Variants in PRR16 observed in about 807,000 individuals in gnomAD.
PRR16 encodes proline rich 16, also known as protein Largen.
A neutral mutation model predicts 18.2 loss-of-function variants in PRR16; 6 were observed. That is an observed-to-expected ratio of 0.33 (90% CI 0.18 to 0.65). PRR16 has a LOEUF of 0.65. Ranked by LOEUF, PRR16 falls within the 30% of genes least tolerant of loss-of-function variation. The pLI is 0.74. For missense variants in PRR16, 412 were observed against 376.6 expected, an observed-to-expected ratio of 1.09 and a Z score of -0.78; for synonymous variants, 151 against 147.8, an observed-to-expected ratio of 1.02 and a Z score of -0.16.
rs554426740 is a variant in PRR16, at chr5:120,536,371, C to T, written c.159+71726C>T. On this transcript the variant is annotated intron_variant, in intron 1 of 1. Coordinates refer to ENST00000407149, the MANE Select transcript of PRR16 (RefSeq NM_001300783.2). ...CAAAAATTTGTGCTGGTTGTAGTCA[C>T]CTCTTTTTTAGTGCTACAATATTGC... Among the ~76,000 whole-genome samples the T allele has an allele frequency of 1.4e-4, 22 of 152,278 alleles. No individual in the cohort carries two copies. The East Asian group carries it at 4.1e-3, about 28-fold the overall frequency.
the PRR16 span, among the ~76,000 whole-genome samples, chr5:120,692,797 G>C: frequency 6.6e-6 from 1 of 152,092 alleles, no homozygotes; most frequent in African/African-American, 2.4e-5. Context: ...CCTGCTAAAA[G>C]CTTAGTGGGG....
intron 1 of PRR16, among the ~76,000 whole-genome samples, chr5:120,584,091 T>C (rs899000606): frequency 3.3e-5 from 5 of 152,072 alleles, no homozygotes; most frequent in African/African-American, 1.2e-4. Context: ...AGGGAGGTCT[T>C]CTAGGCGAAG....
chr5:120,736,466 T>A, the PRR16 span, among the ~76,000 whole-genome samples: 1 of 151,402 alleles, frequency 6.6e-6, no homozygotes, highest in African/African-American at 2.4e-5. Flanking sequence ...AGTTTCACCA[T>A]GTTGGCCAGG....
At chr5:120,506,640 A>G (rs1750654789) in intron 1 of PRR16, among the ~76,000 whole-genome samples, 1 of 152,152 alleles carries the variant, frequency 6.6e-6, no homozygotes, top group Non-Finnish European at 1.5e-5. Flanking sequence ...ATACAGCAAC[A>G]GGTCCACAGT....
intron 1 of PRR16, among the ~76,000 whole-genome samples, chr5:120,581,522 A>G (rs891009008): frequency 8.7e-5 from 13 of 148,880 alleles, no homozygotes; most frequent in South Asian, 2.1e-4. Context: ...ATCTCCTTCA[A>G]TTCTTCTCTG....
At chr5:120,541,437 T>C (rs1278475316) in intron 1 of PRR16, among the ~76,000 whole-genome samples, 1 of 152,188 alleles carries the variant, frequency 6.6e-6, no homozygotes, top group African/African-American at 2.4e-5. Context: ...TGAGCCACTG[T>C]GCCCAGCCAA....
intron 1 of PRR16, among the ~76,000 whole-genome samples, chr5:120,474,183 G>A (rs1013321497): frequency 1.3e-5 from 2 of 152,146 alleles, no homozygotes; most frequent in South Asian, 2.1e-4. Context: ...GGACTTCTGA[G>A]CAGGGAGGTG....
chr5:120,561,057 T>A (rs970761999), intron 1 of PRR16, among the ~76,000 whole-genome samples: 4 of 152,022 alleles, frequency 2.6e-5, no homozygotes, highest in Non-Finnish European at 4.4e-5. Flanking sequence ...TTTTATCTTT[T>A]CAAGAAACAA....
intron 1 of PRR16, among the ~76,000 whole-genome samples, chr5:120,667,375 A>G (rs1756426311): frequency 6.6e-6 from 1 of 151,952 alleles, no homozygotes; most frequent in South Asian, 2.1e-4. Flanking sequence ...CTAGTGGTCT[A>G]TCAATTTTGT....
intron 1 of PRR16, among the ~76,000 whole-genome samples, chr5:120,637,317 G>GAAAA (rs372136712): frequency 0.044 from 2,730 of 62,640 alleles, 417 homozygotes; most frequent in Middle Eastern, 0.06. Flanking sequence ...CCATTATACG[G>GAAAA]AAAAAAAAAA....
chr5:120,586,141 C>G (rs1310762115), intron 1 of PRR16, among the ~76,000 whole-genome samples: 2 of 151,152 alleles, frequency 1.3e-5, no homozygotes, highest in African/African-American at 4.9e-5. Flanking sequence ...CCACTGCACT[C>G]CAGCCCAGCA....
intron 1 of PRR16, among the ~76,000 whole-genome samples, chr5:120,545,057 T>A (rs970233699): frequency 9.9e-5 from 15 of 152,142 alleles, no homozygotes; most frequent in African/African-American, 3.4e-4. Flanking sequence ...AATAGTAGTG[T>A]CTCCAAGAAG....
chr5:120,656,060 A>T (rs1755964756), intron 1 of PRR16, among the ~76,000 whole-genome samples: 1 of 151,808 alleles, frequency 6.6e-6, no homozygotes, highest in South Asian at 2.1e-4. Flanking sequence ...TTGGATTTGG[A>T]GTACACAGTC....
At chr5:120,722,855 C>G in the PRR16 span, among the ~76,000 whole-genome samples, 7 of 151,484 alleles carry the variant, frequency 4.6e-5, no homozygotes, top group African/African-American at 1.7e-4. Context: ...AATTTTCTTT[C>G]TCTGCAGATC....
chr5:120,499,934 T>G (rs1255800641), intron 1 of PRR16, among the ~76,000 whole-genome samples: 1 of 152,200 alleles, frequency 6.6e-6, no homozygotes, highest in East Asian at 1.9e-4. Context: ...AACACTCTTC[T>G]GTTAACACTG....
chr5:120,678,917 C>T (rs1447775872), intron 1 of PRR16, among the ~76,000 whole-genome samples: 1 of 151,950 alleles, frequency 6.6e-6, no homozygotes, highest in Non-Finnish European at 1.5e-5. Flanking sequence ...CCACAAATAA[C>T]TTAGATTATA....
At chr5:120,710,904 G>C in the PRR16 span, 1 of 151,846 alleles carries the variant, frequency 6.6e-6, no homozygotes, top group African/African-American at 2.4e-5. Context: ...TAAAATCAAA[G>C]AGTTAGTAGG....
chr5:120,528,063 G>A (rs1217810481), intron 1 of PRR16, among the ~76,000 whole-genome samples: 1 of 152,158 alleles, frequency 6.6e-6, no homozygotes, highest in Non-Finnish European at 1.5e-5. Context: ...GTGTACAGAA[G>A]TCTTAATAGT....
chr5:120,767,512 A>T, the PRR16 span, among the ~76,000 whole-genome samples: 2 of 151,832 alleles, frequency 1.3e-5, no homozygotes, highest in African/African-American at 4.8e-5. Context: ...CAAATGCAGC[A>T]TTAGCTGTTC....
Sources: allele counts gnomAD v4.1 joint callset (sites outside exome capture counted in the v4.1 genomes callset), GRCh38; gene constraint gnomAD v4.1.1; transcripts MANE v1.5; gene names NCBI Gene and HGNC (gene_info 2026-07-23, HGNC 2026-07-21).